Variants in CD300E observed in about 807,000 individuals in gnomAD.
The protein encoded by CD300E is CMRF35-like molecule 2.
A neutral mutation model predicts 20.9 loss-of-function variants in CD300E; 14 were observed. That is an observed-to-expected ratio of 0.67 (90% CI 0.44 to 1.05). The LOEUF (loss-of-function observed/expected upper bound fraction) is 1.05, where lower values mean the gene tolerates loss of function less well. Among genes scored for constraint, CD300E ranks in the 50% least tolerant of loss-of-function variants. The pLI is 0.00. For missense variants in CD300E, 237 were observed against 253.9 expected (o/e 0.93, Z 0.45); for synonymous variants, 102 against 103.7 (o/e 0.98, Z 0.10).
intron 1 of CD300E, chr17:74,619,322 T>A (rs2143368569): frequency 5.8e-6 from 2 of 343,164 alleles, no homozygotes; most frequent in East Asian, 1.6e-4. Flanking sequence ...CTTCTTCTGC[T>A]AGGATCAGAG....
intron 1 of CD300E, among the ~76,000 whole-genome samples, chr17:74,619,539 C>T (rs994162944): frequency 1.3e-5 from 2 of 152,086 alleles, no homozygotes; most frequent in African/African-American, 4.8e-5. Flanking sequence ...ATCTGTCCTC[C>T]ACTCTCCTGA....
rs993515447 is a variant in CD300E at position 74,610,612 on chromosome 17, G to A, written c.*2041C>T. The A allele has an allele frequency of 2.6e-5, 4 of 152,182 alleles. No homozygotes were observed. The highest frequency in any genetic ancestry group is 2.0e-4 in the Admixed American group (3 of 15,280). 9.4% of individuals were successfully genotyped at this position (152,182 alleles called of 1,614,324 possible). ...CATCTGCTAGGCAAGTCCTCCTAAA[G>A]CACATCTGCAATCCCATCTTGTTCT... On this transcript the variant is annotated 3_prime_UTR_variant, in exon 4 of 4. Transcript: ENST00000392619.
chr17:74,617,119 T>C lies in CD300E; in HGVS notation c.387A>G (p.Pro129=). Residue 129 remains proline (P), a splice_region_variant and synonymous_variant, in exon 2 of 4, where the codon CCA becomes CCG. Coordinates refer to ENST00000392619, the MANE Select transcript of CD300E (RefSeq NM_181449.3). ...PSDLVRVYVS[P]AITTPRRTTH... is the part of the protein sequence containing the mutation. ...TGCCAAAGTGAGGGGAGCTCTTACC[T>C]GGGGAAACATACACCCTAACCAGGT... 1.9e-6 allele frequency: 3 copies of C among 1,613,088 alleles called. No homozygotes were observed. The highest frequency in any genetic ancestry group is 2.5e-6 in the Non-Finnish European group (3 of 1,179,084).
At chr17:74,613,077 A>ACTGACT (rs1265472471) in intron 3 of CD300E, among the ~76,000 whole-genome samples, 3 of 152,092 alleles carry the variant, frequency 2.0e-5, no homozygotes, top group Non-Finnish European at 4.4e-5. Context: ...CACTTTATCA[A>ACTGACT]CTGACTTCTT....
intron 2 of CD300E, among the ~76,000 whole-genome samples, chr17:74,615,041 G>GC (rs1283739406): frequency 6.6e-6 from 1 of 152,216 alleles, no homozygotes; most frequent in Non-Finnish European, 1.5e-5. Context: ...CGTGGCATGA[G>GC]CCCCACCCCG....
chr17:74,612,859 C>T (rs1043702405), intron 3 of CD300E, 86 bp from the exon 4 acceptor site: 51 of 1,545,630 alleles, frequency 3.3e-5, no homozygotes, highest in Non-Finnish European at 4.0e-5. Context: ...TGCTCTGACT[C>T]TGGAGCCCAA....
At chr17:74,620,236 C>T (rs1238840809) in intron 1 of CD300E, among the ~76,000 whole-genome samples, 4 of 152,168 alleles carry the variant, frequency 2.6e-5, no homozygotes, top group Admixed American at 6.5e-5. Flanking sequence ...CTTTGGGAGG[C>T]CGAGGCGGGC....
chr17:74,623,439 T>C (rs2031063966), intron 1 of CD300E, 143 bp downstream of exon 1: 5 of 739,250 alleles, frequency 6.8e-6, no homozygotes, highest in Admixed American at 2.5e-5. Flanking sequence ...ATTGAATGTA[T>C]AGAAGGATGC....
At position 74,610,134 on chromosome 17, in the gene CD300E, A is replaced by T; in HGVS notation, c.*2519T>A. On this transcript the variant is annotated 3_prime_UTR_variant, in exon 4 of 4. Transcript: ENST00000392619. The stretch of plus-strand genomic sequence containing the variant: ...TAGTGACCTTGTGAATGATAAGTTC[A>T]ATAGCCTCCTCTCAATCCCGGTCCT... The T allele has an allele frequency of 6.6e-6, 1 of 152,328 alleles. No individual in the cohort carries two copies. Among genetic ancestry groups the T allele is most frequent in the East Asian group, 1.9e-4 (1 of 5,176 alleles). The allele number at this position is 152,328 out of a possible 1,614,324, so 9.4% of individuals were successfully genotyped here. A position where few individuals can be genotyped will look rare whatever the true frequency, so the allele number is the denominator to read the frequency against.
Position 74,623,636 on chromosome 17 carries a change from G to A in CD300E, c.-15C>T. The A allele has an allele frequency of 6.2e-7, 1 of 1,614,088 alleles. No homozygotes were observed. The highest frequency in any genetic ancestry group is 8.5e-7 in the Non-Finnish European group (1 of 1,179,974). Reference sequence around the variant, plus strand: ...AGCAGCCACATGTTCCTGTCTCCTTGGCTTCCGTCCTCAGCAAATCTAGGT... The same window carrying A: ...AGCAGCCACATGTTCCTGTCTCCTTAGCTTCCGTCCTCAGCAAATCTAGGT... On this transcript the variant is annotated 5_prime_UTR_variant, in exon 1 of 4. The change creates a premature stop within an existing upstream ORF in the 5' untranslated region. Transcript: ENST00000392619.
intron 2 of CD300E, among the ~76,000 whole-genome samples, chr17:74,615,116 C>T (rs1006732560): frequency 6.6e-6 from 1 of 152,160 alleles, no homozygotes; most frequent in Non-Finnish European, 1.5e-5. Context: ...TGGGAAGGAG[C>T]CCCAGCAGGT....
In CD300E at chr17:74,617,269, T is replaced by G. The variant is rs1335573622; in HGVS notation, c.237A>C (p.Arg79Ser). The G allele has an allele frequency of 6.2e-7, 1 of 1,614,202 alleles. No individual in the cohort carries two copies. The highest frequency in any genetic ancestry group is 8.5e-7 in the Non-Finnish European group (1 of 1,180,036). ...KVERNGRVSI[R>S]DHPEALAFTV... Reference sequence around the variant, plus strand: ...TGAAGGCGAGAGCCTCCGGGTGGTCTCTGATGGACACGCGGCCATTCCTCT... The same window carrying G: ...TGAAGGCGAGAGCCTCCGGGTGGTCGCTGATGGACACGCGGCCATTCCTCT... The change falls in exon 2 of 4, where the codon AGA becomes AGC. Residue 79 changes from arginine (R) to serine (S), a missense_variant. Physicochemically the swap from Arg to Ser is moderately radical, Grantham distance 110. Transcript: ENST00000392619.
intron 1 of CD300E, among the ~76,000 whole-genome samples, chr17:74,622,336 C>T (rs1337028628): frequency 6.6e-6 from 1 of 151,932 alleles, no homozygotes; most frequent in Admixed American, 6.6e-5. Context: ...TGGTTGAGTG[C>T]AGTGGCTCAT....
rs1568032644 is a variant in CD300E, at chr17:74,612,235, C to CTCTG, written c.*417_*418insCAGA. On this transcript the variant is annotated 3_prime_UTR_variant, in exon 4 of 4. Coordinates refer to ENST00000392619, the MANE Select transcript of CD300E (RefSeq NM_181449.3). ...TCTCTCTCTCTCTCGCTCTCTCTCT[C>CTCTG]TCTCTCTCTCTGTCTCTCTCTCTCT... The CTCTG allele has an allele frequency of 4.4e-4, 61 of 138,252 alleles. No homozygotes were observed. The highest frequency in any genetic ancestry group is 1.8e-3 in the African/African-American group (59 of 33,136). The allele number at this position is 138,252 out of a possible 1,614,324, so 8.6% of individuals were successfully genotyped here.
intron 1 of CD300E, among the ~76,000 whole-genome samples, chr17:74,621,531 C>T (rs955404718): frequency 2.0e-5 from 3 of 152,160 alleles, no homozygotes; most frequent in African/African-American, 7.2e-5. Context: ...CAGCATGTTC[C>T]TGGAAATAAT....
intron 1 of CD300E, among the ~76,000 whole-genome samples, chr17:74,622,410 T>C (rs915789662): frequency 1.3e-5 from 2 of 152,000 alleles, no homozygotes; most frequent in African/African-American, 4.8e-5. Context: ...CGAGTTTGGG[T>C]CCATGTCACC....
intron 2 of CD300E, among the ~76,000 whole-genome samples, chr17:74,615,220 G>A (rs2030874872): frequency 1.3e-5 from 2 of 152,238 alleles, no homozygotes; most frequent in Non-Finnish European, 2.9e-5. Context: ...GCCGGACCAT[G>A]GGATGCTTTT....
At chr17:74,614,138 G>A in intron 2 of CD300E, 105 bp from the exon 3 acceptor site, 3 of 921,644 alleles carry the variant, frequency 3.3e-6, no homozygotes, top group Non-Finnish European at 5.1e-6. Context: ...GAAGAGGCTG[G>A]AAAGATCTTC....
At chr17:74,615,281 G>A (rs1251547614) in intron 2 of CD300E, among the ~76,000 whole-genome samples, 1 of 152,182 alleles carries the variant, frequency 6.6e-6, no homozygotes, top group East Asian at 1.9e-4. Flanking sequence ...GAGATGGTGT[G>A]GATAGCTAAG....
Sources: allele counts gnomAD v4.1 joint callset (sites outside exome capture counted in the v4.1 genomes callset), GRCh38; gene constraint gnomAD v4.1.1; transcripts MANE v1.5; gene names NCBI Gene and HGNC (gene_info 2026-07-23, HGNC 2026-07-21).